The following LRRC4C variants were observed in gnomAD, a reference collection of about 807,000 sequenced individuals.
The protein encoded by LRRC4C is leucine rich repeat containing 4C, also known as leucine-rich repeat-containing protein 4C.
Under a neutral mutation model 33.6 loss-of-function variants are expected in LRRC4C, and 5 were observed. The ratio of observed to expected loss-of-function variants is 0.15; its 90% CI spans 0.08 to 0.31. The LOEUF (loss-of-function observed/expected upper bound fraction) is 0.31. Ranked by LOEUF, LRRC4C falls within the 10% of genes least tolerant of loss-of-function variation. The pLI, the probability that LRRC4C is intolerant of heterozygous loss-of-function variation, is 1.00. For synonymous variants in LRRC4C, 329 were observed against 302.0 expected (o/e 1.09, Z -0.93); for missense variants, 560 against 796.7 (o/e 0.70, Z 3.58).
At chr11:41,252,890 G>C (rs1400169428) in intron 1 of LRRC4C, among the ~76,000 whole-genome samples, 1 of 152,062 alleles carries the variant, frequency 6.6e-6, no homozygotes, top group Non-Finnish European at 1.5e-5. Flanking sequence ...CACAAGAACA[G>C]CACGTGAAAG....
chr11:40,467,708 A>G (rs1370102173), intron 3 of LRRC4C, among the ~76,000 whole-genome samples: 2 of 152,158 alleles, frequency 1.3e-5, no homozygotes, highest in African/African-American at 4.8e-5. Flanking sequence ...GACATTTGCT[A>G]TTTTCAAAAT....
chr11:40,532,863 G>A (rs1421849665), intron 3 of LRRC4C, among the ~76,000 whole-genome samples: 1 of 152,072 alleles, frequency 6.6e-6, no homozygotes, highest in African/African-American at 2.4e-5. Flanking sequence ...CGCATGGCTG[G>A]AGAGGCCTCA....
At chr11:41,074,373 T>C (rs1938947546) in intron 1 of LRRC4C, among the ~76,000 whole-genome samples, 1 of 152,216 alleles carries the variant, frequency 6.6e-6, no homozygotes, top group African/African-American at 2.4e-5. Context: ...ATCATTTGCC[T>C]TGCCATTCTG....
chr11:40,655,900 G>A (rs1423409686), intron 2 of LRRC4C, among the ~76,000 whole-genome samples: 1 of 152,060 alleles, frequency 6.6e-6, no homozygotes, highest in Non-Finnish European at 1.5e-5. Context: ...AGCTAGGCAA[G>A]TCTTACATGG....
chr11:41,176,849 T>C (rs1479776962), intron 1 of LRRC4C, among the ~76,000 whole-genome samples: 2 of 151,828 alleles, frequency 1.3e-5, no homozygotes, highest in Admixed American at 1.3e-4. Flanking sequence ...CCTGTAGTCC[T>C]AGCTACTGGG....
intron 1 of LRRC4C, among the ~76,000 whole-genome samples, chr11:41,366,199 CAGATAGATAGAT>C (rs58970527): frequency 0.38 from 56,969 of 148,624 alleles, 11,756 homozygotes; most frequent in Non-Finnish European, 0.46. Flanking sequence ...GATAGATAGA[CAGATAGATAGAT>C]AGATAGATAG....
At chr11:40,243,685 ATCTT>A (rs1866098239) in intron 4 of LRRC4C, among the ~76,000 whole-genome samples, 2 of 139,760 alleles carry the variant, frequency 1.4e-5, no homozygotes, top group Admixed American at 1.5e-4. Flanking sequence ...AAAAACTTAT[ATCTT>A]TTTTTTTTTT....
chr11:41,169,839 A>G (rs1944892870), intron 1 of LRRC4C, among the ~76,000 whole-genome samples: 1 of 152,198 alleles, frequency 6.6e-6, no homozygotes, highest in African/African-American at 2.4e-5. Context: ...TGTAAGTTTA[A>G]CACAGGAAAA....
chr11:41,094,942 G>A (rs1465843425), intron 1 of LRRC4C, among the ~76,000 whole-genome samples: 1 of 152,032 alleles, frequency 6.6e-6, no homozygotes, highest in Non-Finnish European at 1.5e-5. Flanking sequence ...ATACATCTCT[G>A]ACTTTTCTTT....
intron 1 of LRRC4C, among the ~76,000 whole-genome samples, chr11:41,327,965 GA>G (rs1192078855): frequency 6.6e-6 from 1 of 152,100 alleles, no homozygotes; most frequent in Non-Finnish European, 1.5e-5. Flanking sequence ...ATAACAGTAT[GA>G]AAATGGACTA....
At chr11:40,314,340 C>A (rs1360876783) in intron 4 of LRRC4C, among the ~76,000 whole-genome samples, 1 of 151,802 alleles carries the variant, frequency 6.6e-6, no homozygotes, top group Non-Finnish European at 1.5e-5. Context: ...CAATTAAAAC[C>A]AAAGTGAGTT....
At chr11:41,107,366 T>C (rs889526413) in intron 1 of LRRC4C, among the ~76,000 whole-genome samples, 1 of 152,134 alleles carries the variant, frequency 6.6e-6, no homozygotes, top group African/African-American at 2.4e-5. Context: ...GTATTAGAGA[T>C]ACATGTAGAT....
In LRRC4C at chr11:40,866,448, G is replaced by A. The variant is rs7947753; in HGVS notation, c.-407+67187C>T. ...TTTTCAATTATGCTATAATTAAGAT[G>A]GCATGATCCCACTTGTCATCACAAA... On this transcript the variant is annotated intron_variant, in intron 2 of 6. Coordinates refer to ENST00000528697, the MANE Select transcript of LRRC4C (RefSeq NM_001258419.2). Among the ~76,000 whole-genome samples the A allele has an allele frequency of 4.8e-3, 728 of 152,172 alleles. 3 individuals are homozygous for A. Among genetic ancestry groups the A allele is most frequent in the African/African-American group, 0.017 (689 of 41,512 alleles).
At chr11:40,567,196 C>A (rs1957799965) in intron 3 of LRRC4C, among the ~76,000 whole-genome samples, 1 of 152,004 alleles carries the variant, frequency 6.6e-6, no homozygotes. Flanking sequence ...CTAGGATAAA[C>A]AAAGATGTCA....
At chr11:40,610,313 A>G (rs562179392) in intron 3 of LRRC4C, among the ~76,000 whole-genome samples, 30 of 151,996 alleles carry the variant, frequency 2.0e-4, no homozygotes, top group South Asian at 1.2e-3. Flanking sequence ...TGACAAAATT[A>G]AACAACTTTT....
chr11:40,578,168 T>TTTTTTTTTTTTTTTTTTTG, intron 3 of LRRC4C, among the ~76,000 whole-genome samples: 1 of 137,016 alleles, frequency 7.3e-6, no homozygotes, highest in Admixed American at 7.5e-5. Context: ...TTTTTTTTTT[T>TTTTTTTTTTTTTTTTTTTG]TTGCCTCTTA....
chr11:40,154,117 G>C (rs542045222), intron 5 of LRRC4C, among the ~76,000 whole-genome samples: 2 of 152,036 alleles, frequency 1.3e-5, no homozygotes, highest in Non-Finnish European at 2.9e-5. Context: ...GACGGGATTG[G>C]GGCCCTATCT....
chr11:41,250,879 T>C (rs1948616577), intron 1 of LRRC4C, among the ~76,000 whole-genome samples: 1 of 152,210 alleles, frequency 6.6e-6, no homozygotes, highest in Non-Finnish European at 1.5e-5. Flanking sequence ...TTAAACAAAA[T>C]CTGATTTTTG....
intron 1 of LRRC4C, among the ~76,000 whole-genome samples, chr11:41,423,057 G>T (rs1475119332): frequency 6.6e-6 from 1 of 152,082 alleles, no homozygotes; most frequent in East Asian, 1.9e-4. Context: ...CAACATGTCG[G>T]TTAATAGGTA....
Sources: allele counts gnomAD v4.1 joint callset (sites outside exome capture counted in the v4.1 genomes callset), GRCh38; gene constraint gnomAD v4.1.1; transcripts MANE v1.5; gene names NCBI Gene and HGNC (gene_info 2026-07-23, HGNC 2026-07-21).